The following RALYL variants were observed in gnomAD, a reference collection of about 807,000 sequenced individuals.
RALYL encodes RNA-binding Raly-like protein.
Under a neutral mutation model 35.1 loss-of-function variants are expected in RALYL, and 29 were observed. The observed-to-expected ratio is 0.83, with a 90% CI of 0.61 to 1.13. RALYL has a LOEUF of 1.13. Among genes scored for constraint, RALYL ranks in the 50% most tolerant of loss-of-function variants. The probability of loss-of-function intolerance (pLI) is 0.00; values close to 1 mark genes in which losing one functional copy is unlikely to be tolerated. For synonymous variants in RALYL, 120 were observed against 127.6 expected, an observed-to-expected ratio of 0.94 and a Z score of 0.40; for missense variants, 359 against 360.4, an observed-to-expected ratio of 1.00 and a Z score of 0.03.
At chr8:84,853,880 G>C (rs1473711533) in intron 5 of RALYL, among the ~76,000 whole-genome samples, 1 of 152,040 alleles carries the variant, frequency 6.6e-6, no homozygotes, top group Admixed American at 6.5e-5. Context: ...ACTTGGGCAA[G>C]TTAGTTAATA....
chr8:84,652,639 C>A (rs921177656), intron 2 of RALYL, among the ~76,000 whole-genome samples: 7 of 151,966 alleles, frequency 4.6e-5, no homozygotes, highest in Non-Finnish European at 1.0e-4. Context: ...GGTTTTATAA[C>A]CCCACATTAT....
At chr8:84,468,913 C>A (rs2052214413) in intron 1 of RALYL, among the ~76,000 whole-genome samples, 1 of 151,756 alleles carries the variant, frequency 6.6e-6, no homozygotes, top group Non-Finnish European at 1.5e-5. Context: ...ATTGCTGATA[C>A]CCTTTCTTCC....
chr8:84,369,994 T>C (rs775742154), intron 1 of RALYL, among the ~76,000 whole-genome samples: 1 of 152,094 alleles, frequency 6.6e-6, no homozygotes, highest in Non-Finnish European at 1.5e-5. Flanking sequence ...GGAGTCTTAT[T>C]TGGCCTTTGT....
intron 2 of RALYL, among the ~76,000 whole-genome samples, chr8:84,570,426 A>G (rs1289449064): frequency 6.6e-6 from 1 of 151,784 alleles, no homozygotes; most frequent in Non-Finnish European, 1.5e-5. Flanking sequence ...GTGTACATTG[A>G]TTTCAGTATC....
chr8:84,419,543 C>CT (rs572953145), intron 1 of RALYL, among the ~76,000 whole-genome samples: 4,382 of 146,008 alleles, frequency 0.03, 201 homozygotes, highest in African/African-American at 0.1. Flanking sequence ...ATGGTCTTAA[C>CT]TTTTTTTTTT....
intron 1 of RALYL, among the ~76,000 whole-genome samples, chr8:84,353,981 T>A (rs1277532390): frequency 6.7e-6 from 1 of 149,970 alleles, no homozygotes; most frequent in Admixed American, 6.6e-5. Flanking sequence ...AAGTCTGGAG[T>A]TGTTGTCAAT....
chr8:84,398,736 G>A (rs965309085), intron 1 of RALYL, among the ~76,000 whole-genome samples: 1 of 152,176 alleles, frequency 6.6e-6, no homozygotes, highest in African/African-American at 2.4e-5. Context: ...CACTTTGGAA[G>A]GCCAAAGCGG....
At chr8:84,606,723 T>C (rs377087642) in intron 2 of RALYL, among the ~76,000 whole-genome samples, 186 of 152,242 alleles carry the variant, frequency 1.2e-3, no homozygotes, top group African/African-American at 3.8e-3. Flanking sequence ...TGGACCTTTG[T>C]TTTTTACAAT....
At chr8:84,778,219 T>A (rs762578248) in intron 3 of RALYL, among the ~76,000 whole-genome samples, 1 of 152,202 alleles carries the variant, frequency 6.6e-6, no homozygotes, top group Non-Finnish European at 1.5e-5. Context: ...GACCACTAAG[T>A]GAACTGCCGC....
intron 2 of RALYL, among the ~76,000 whole-genome samples, chr8:84,663,889 C>T (rs964798294): frequency 6.6e-6 from 1 of 152,104 alleles, no homozygotes; most frequent in Admixed American, 6.6e-5. Context: ...GAAATCTTTG[C>T]TGTGCCTATG....
chr8:84,284,046 G>A (rs1837133109), intron 1 of RALYL, among the ~76,000 whole-genome samples: 1 of 152,120 alleles, frequency 6.6e-6, no homozygotes, highest in African/African-American at 2.4e-5. Context: ...CTATAATTTT[G>A]TTGTAAAGAC....
chr8:84,866,634 T>C (rs1839223033), intron 6 of RALYL, among the ~76,000 whole-genome samples: 1 of 151,992 alleles, frequency 6.6e-6, no homozygotes, highest in Non-Finnish European at 1.5e-5. Context: ...CTCTGTAGAG[T>C]TCTGAGGATT....
chr8:84,396,132 T>C (rs1370559635), intron 1 of RALYL, among the ~76,000 whole-genome samples: 3 of 152,024 alleles, frequency 2.0e-5, no homozygotes, highest in Non-Finnish European at 4.4e-5. Flanking sequence ...ACTCAGCAAG[T>C]CTTCAGAAAC....
At chr8:84,846,120 C>T (rs1834597034) in intron 4 of RALYL, among the ~76,000 whole-genome samples, 1 of 152,058 alleles carries the variant, frequency 6.6e-6, no homozygotes, top group Non-Finnish European at 1.5e-5. Flanking sequence ...GCTATTCAGG[C>T]TCTTTTGTTG....
intron 1 of RALYL, among the ~76,000 whole-genome samples, chr8:84,410,760 A>G (rs2044018118): frequency 6.6e-6 from 1 of 151,746 alleles, no homozygotes; most frequent in African/African-American, 2.4e-5. Context: ...AGTTGCATGT[A>G]TATTATCACT....
intron 8 of RALYL, among the ~76,000 whole-genome samples, chr8:84,909,276 C>G (rs768994482): frequency 3.9e-5 from 6 of 152,116 alleles, no homozygotes; most frequent in Admixed American, 1.3e-4. Flanking sequence ...AGCTGCCAGG[C>G]TAGTGCCCAA....
In RALYL at chr8:84,462,893, A is replaced by G. The variant is rs528737965; in HGVS notation, c.-23-66406A>G. On this transcript the variant is annotated intron_variant, in intron 1 of 8. Coordinates refer to ENST00000521268, the MANE Select transcript of RALYL (RefSeq NM_173848.7). ...ACACTAAGGGATAGGTGATGATTTTATAAAGCAACCCACCTTTGTTTTGTA... is the reference window on the plus strand; with the variant it reads ...ACACTAAGGGATAGGTGATGATTTTGTAAAGCAACCCACCTTTGTTTTGTA... 7.2e-5 allele frequency among the ~76,000 whole-genome samples: 11 copies of G among 151,996 alleles called. No individual in the cohort carries two copies. The South Asian group carries it at 2.1e-3, about 29-fold the overall frequency.
chr8:84,295,135 G>A (rs1586024927), intron 1 of RALYL, among the ~76,000 whole-genome samples: 1 of 152,128 alleles, frequency 6.6e-6, no homozygotes, highest in East Asian at 1.9e-4. Flanking sequence ...ACAGTGGATT[G>A]GGGTGGGGAG....
chr8:84,303,024 T>A (rs567015798), intron 1 of RALYL, among the ~76,000 whole-genome samples: 1 of 152,198 alleles, frequency 6.6e-6, no homozygotes, highest in Admixed American at 6.5e-5. Context: ...GTTAATATAC[T>A]TTAATTTTTA....
Sources: gnomAD v4.1 joint callset for allele counts (sites outside exome capture counted in the v4.1 genomes callset) on GRCh38, gnomAD v4.1.1 for gene constraint, MANE v1.5 for transcripts, NCBI Gene and HGNC (gene_info 2026-07-23, HGNC 2026-07-21) for gene names.